Variants in PTPN4 observed in about 807,000 individuals in gnomAD.
PTPN4 encodes protein tyrosine phosphatase non-receptor type 4.
Under a neutral mutation model 135.5 loss-of-function variants are expected in PTPN4, and 49 were observed. The observed-to-expected ratio is 0.36, with a 90% CI of 0.29 to 0.46. The LOEUF is 0.46. Ranked by LOEUF, PTPN4 falls within the 20% of genes least tolerant of loss-of-function variation. The pLI is 1.00. For synonymous variants in PTPN4, 333 were observed against 369.9 expected, an observed-to-expected ratio of 0.90 and a Z score of 1.14; for missense variants, 860 against 1,101.0, an observed-to-expected ratio of 0.78 and a Z score of 3.10.
intron 14 of PTPN4, among the ~76,000 whole-genome samples, chr2:119,933,711 T>C (rs1678941545): frequency 1.3e-5 from 2 of 151,520 alleles, no homozygotes; most frequent in Non-Finnish European, 2.9e-5. Context: ...AAGGCTATTA[T>C]CAGCTGAAGA....
chr2:119,845,179 C>T (rs1054747225), intron 2 of PTPN4, among the ~76,000 whole-genome samples: 5 of 137,312 alleles, frequency 3.6e-5, no homozygotes, highest in African/African-American at 1.1e-4. Flanking sequence ...TGCAGTGAGC[C>T]GAGATGGCAG....
At chr2:119,797,160 C>CT (rs1248955349) in intron 1 of PTPN4, among the ~76,000 whole-genome samples, 1 of 152,064 alleles carries the variant, frequency 6.6e-6, no homozygotes, top group African/African-American at 2.4e-5. Flanking sequence ...TTTTCATTCT[C>CT]TTAACAGTGC....
At chr2:119,787,182 T>C (rs1691062379) in intron 1 of PTPN4, among the ~76,000 whole-genome samples, 1 of 152,198 alleles carries the variant, frequency 6.6e-6, no homozygotes, top group Non-Finnish European at 1.5e-5. Context: ...TGGCTAGTTT[T>C]CTCAAAGGGA....
At chr2:119,975,256 G>C (rs1212030044) in intron 26 of PTPN4, among the ~76,000 whole-genome samples, 5 of 152,046 alleles carry the variant, frequency 3.3e-5, no homozygotes, top group African/African-American at 1.2e-4. Flanking sequence ...AGGACTACAG[G>C]CACACACCAC....
chr2:119,796,074 C>A (rs1691252898), intron 1 of PTPN4, among the ~76,000 whole-genome samples: 1 of 152,208 alleles, frequency 6.6e-6, no homozygotes, highest in Admixed American at 6.5e-5. Context: ...GGAAATGGGT[C>A]CTACCCGGCC....
In PTPN4 at chr2:119,978,248, T is replaced by G. The variant is rs773097843; in HGVS notation, c.*1178T>G. 3 of 152,230 alleles carry G rather than the reference T, an allele frequency of 2.0e-5. No homozygotes were observed. The highest frequency in any genetic ancestry group is 4.4e-5 in the Non-Finnish European group (3 of 68,030). The allele number at this position is 152,230 out of a possible 1,614,324, so 9.4% of individuals were successfully genotyped here. A position where few individuals can be genotyped will look rare whatever the true frequency, so the allele number is the denominator to read the frequency against. ...ACATATTGATAATCTAAGCTAAAGT[T>G]AGAGCAAATAATTGTGATTTATTCA... is the stretch of plus-strand genomic sequence containing the variant. On this transcript the variant is annotated 3_prime_UTR_variant, in exon 27 of 27. Coordinates refer to ENST00000263708, the MANE Select transcript of PTPN4 (RefSeq NM_002830.4).
At chr2:119,827,280 C>T (rs930111277) in intron 2 of PTPN4, among the ~76,000 whole-genome samples, 4 of 152,140 alleles carry the variant, frequency 2.6e-5, no homozygotes, top group Non-Finnish European at 5.9e-5. Flanking sequence ...GGGGGGAAAT[C>T]TATTTGAGTT....
chr2:119,868,268 G>A (rs759179102), intron 3 of PTPN4, among the ~76,000 whole-genome samples: 3 of 152,154 alleles, frequency 2.0e-5, no homozygotes, highest in Non-Finnish European at 2.9e-5. Flanking sequence ...CCCACTAGTA[G>A]TATATCCAGT....
At position 119,900,752 on chromosome 2, in the gene PTPN4, T is replaced by C. The variant is rs61748154; in HGVS notation, c.710T>C (p.Met237Thr). The part of the protein sequence containing the change: ...QSNNEIMIGV[M>T]SGGILIYKNR... ...AACAATGAAATTATGATTGGAGTGA[T>C]GTCAGGAGGAATTCTGATTTATAAG... The change falls in exon 10 of 27, where the codon ATG (methionine) becomes ACG (threonine). Residue 237 changes from methionine (M) to threonine (T), a missense_variant. Met to Thr is a moderately conservative substitution (Grantham distance 81). Transcript: ENST00000263708. 10,609 of 1,587,582 alleles carry C rather than the reference T, an allele frequency of 6.7e-3. 35 individuals are homozygous for C. The highest frequency in any genetic ancestry group is 0.014 in the Middle Eastern group (82 of 5,878).
At chr2:119,803,844 A>G (rs1691419477) in intron 1 of PTPN4, among the ~76,000 whole-genome samples, 1 of 148,000 alleles carries the variant, frequency 6.8e-6, no homozygotes, top group Non-Finnish European at 1.5e-5. Context: ...GTACATCCAC[A>G]TTTAGGATTG....
intron 1 of PTPN4, 26 bp from the exon 2 acceptor site, chr2:119,809,811 A>G (rs765119253): frequency 6.6e-6 from 10 of 1,518,604 alleles, no homozygotes; most frequent in Non-Finnish European, 7.1e-6. Flanking sequence ...CCTTTTATTT[A>G]GTGAATTTTT....
chr2:119,799,424 A>G (rs919835628), intron 1 of PTPN4, among the ~76,000 whole-genome samples: 2 of 152,216 alleles, frequency 1.3e-5, no homozygotes, highest in South Asian at 2.1e-4. Flanking sequence ...GTTAAGAATC[A>G]ATAGAAATAA....
Position 119,977,156 on chromosome 2 carries a change from T to A in PTPN4, c.*86T>A. On this transcript the variant is annotated 3_prime_UTR_variant, in exon 27 of 27. Transcript: ENST00000263708. ...ATAATGCTGCTCGCAGGAAATGGCA[T>A]TTTACAAAAAAAAAATGAAGAACTC... The A allele has an allele frequency of 7.3e-7, 1 of 1,379,268 alleles. No homozygotes were observed. Among genetic ancestry groups the A allele is most frequent in the East Asian group, 2.7e-5 (1 of 36,730 alleles). The allele number at this position is 1,379,268 out of a possible 1,614,324, so 85.4% of individuals were successfully genotyped here. A position where few individuals can be genotyped will look rare whatever the true frequency, so the allele number is the denominator to read the frequency against.
At chr2:119,837,789 C>A (rs932022344) in intron 2 of PTPN4, among the ~76,000 whole-genome samples, 16 of 152,246 alleles carry the variant, frequency 1.1e-4, no homozygotes, top group African/African-American at 3.6e-4. Context: ...CTTCCAGGCA[C>A]CACCGTGTTC....
chr2:119,936,400 C>A (rs979926951), intron 15 of PTPN4, among the ~76,000 whole-genome samples: 4 of 152,168 alleles, frequency 2.6e-5, no homozygotes, highest in African/African-American at 9.7e-5. Context: ...TTGTAATCTC[C>A]AGGTGTCAAG....
chr2:119,964,032 A>G (rs1280474328), intron 24 of PTPN4, among the ~76,000 whole-genome samples: 1 of 152,188 alleles, frequency 6.6e-6, no homozygotes, highest in East Asian at 1.9e-4. Flanking sequence ...ACATACATAC[A>G]TGGATGGATT....
At chr2:119,804,743 C>T (rs1391737458) in intron 1 of PTPN4, among the ~76,000 whole-genome samples, 13 of 152,072 alleles carry the variant, frequency 8.5e-5, no homozygotes, top group Admixed American at 7.9e-4. Context: ...CAAACATACA[C>T]GTGTATGTGT....
chr2:119,898,980 G>A (rs946333240), intron 9 of PTPN4, among the ~76,000 whole-genome samples: 1 of 152,044 alleles, frequency 6.6e-6, no homozygotes, highest in African/African-American at 2.4e-5. Context: ...ATGATTTTTG[G>A]TTATGTACTG....
chr2:119,858,396 T>C (rs1346333834), intron 2 of PTPN4, among the ~76,000 whole-genome samples: 1 of 152,212 alleles, frequency 6.6e-6, no homozygotes, highest in African/African-American at 2.4e-5. Context: ...TGTTATAAGG[T>C]AGATTTATTT....
Sources: gnomAD v4.1 joint callset for allele counts (sites outside exome capture counted in the v4.1 genomes callset) on GRCh38, gnomAD v4.1.1 for gene constraint, MANE v1.5 for transcripts, NCBI Gene and HGNC (gene_info 2026-07-23, HGNC 2026-07-21) for gene names.